The following VEGFC variants were observed in gnomAD, a reference collection of about 807,000 sequenced individuals.
VEGFC encodes vascular endothelial growth factor C.
A neutral mutation model predicts 46.1 loss-of-function variants in VEGFC; 12 were observed. The ratio of observed to expected loss-of-function variants is 0.26; its 90% confidence interval spans 0.17 to 0.42. The LOEUF (loss-of-function observed/expected upper bound fraction) is 0.42, where lower values mean the gene tolerates loss of function less well. Among genes scored for constraint, VEGFC ranks in the 10% least tolerant of loss-of-function variants. VEGFC has a pLI of 1.00. For synonymous variants in VEGFC, 232 were observed against 195.5 expected (o/e 1.19, Z -1.56); for missense variants, 488 against 529.4 (o/e 0.92, Z 0.77).
intron 3 of VEGFC, among the ~76,000 whole-genome samples, chr4:176,720,201 T>C (rs1734760030): frequency 6.6e-6 from 1 of 152,128 alleles, no homozygotes; most frequent in Non-Finnish European, 1.5e-5. Flanking sequence ...GGTACTGATG[T>C]TTGCTCTTCT....
At chr4:176,716,439 G>A (rs1389419195) in intron 3 of VEGFC, among the ~76,000 whole-genome samples, 1 of 151,510 alleles carries the variant, frequency 6.6e-6, no homozygotes, top group Admixed American at 6.6e-5. Context: ...TAGCTGGGTG[G>A]CGTGGCGGAT....
At chr4:176,736,952 T>C (rs1735064702) in intron 1 of VEGFC, among the ~76,000 whole-genome samples, 1 of 151,314 alleles carries the variant, frequency 6.6e-6, no homozygotes, top group Non-Finnish European at 1.5e-5. Flanking sequence ...TTTTAAGTAA[T>C]GATCCTTCCA....
At chr4:176,752,795 G>A (rs965337150) in intron 1 of VEGFC, among the ~76,000 whole-genome samples, 6 of 152,042 alleles carry the variant, frequency 3.9e-5, no homozygotes, top group African/African-American at 1.4e-4. Context: ...GGGCTATAGG[G>A]AAAGAGCCTA....
intron 1 of VEGFC, among the ~76,000 whole-genome samples, chr4:176,749,983 A>T (rs987868656): frequency 9.2e-5 from 14 of 151,820 alleles, no homozygotes; most frequent in South Asian, 2.1e-4. Context: ...AACATTTATT[A>T]AAAAATTATG....
At chr4:176,701,475 C>CT (rs1288382177) in intron 4 of VEGFC, among the ~76,000 whole-genome samples, 2 of 152,160 alleles carry the variant, frequency 1.3e-5, no homozygotes, top group Non-Finnish European at 2.9e-5. Flanking sequence ...TTCTCACAAT[C>CT]TATCAGCAAG....
At position 176,742,454 on chromosome 4, in the gene VEGFC, C is replaced by T. The variant is rs189690768; in HGVS notation, c.148-12708G>A. Among the ~76,000 whole-genome samples, 106 of 152,006 alleles carry T rather than the reference C, an allele frequency of 7.0e-4. 1 individual carries two copies. Among genetic ancestry groups the T allele is most frequent in the African/African-American group, 2.4e-3 (99 of 41,506 alleles). Reference sequence around the variant, plus strand: ...CCTCTTATATAGTACCACCCGCATACCAGTAATGGGGTTGCTGGGTCAAAC... The same window carrying T: ...CCTCTTATATAGTACCACCCGCATATCAGTAATGGGGTTGCTGGGTCAAAC... On this transcript the variant is annotated intron_variant, in intron 1 of 6. Coordinates refer to ENST00000618562, the MANE Select transcript of VEGFC (RefSeq NM_005429.5).
intron 3 of VEGFC, among the ~76,000 whole-genome samples, chr4:176,725,532 G>A (rs1183797506): frequency 6.6e-6 from 1 of 152,122 alleles, no homozygotes; most frequent in African/African-American, 2.4e-5. Flanking sequence ...AGATTATGAA[G>A]AAAGGAAATG....
intron 4 of VEGFC, chr4:176,689,602 G>A (rs1448758022): frequency 1.3e-5 from 2 of 152,168 alleles, no homozygotes; most frequent in Non-Finnish European, 2.9e-5. Flanking sequence ...AAATAGCAAT[G>A]ACTGATTTGA....
chr4:176,706,653 A>AAAAG (rs1734541661), intron 4 of VEGFC, among the ~76,000 whole-genome samples: 4 of 130,692 alleles, frequency 3.1e-5, no homozygotes, highest in African/African-American at 1.0e-4. Flanking sequence ...AAAAAAAAAA[A>AAAAG]AGAGAAATCT....
chr4:176,685,277 G>T (rs1734018497), intron 6 of VEGFC, among the ~76,000 whole-genome samples: 1 of 152,092 alleles, frequency 6.6e-6, no homozygotes, highest in Non-Finnish European at 1.5e-5. Flanking sequence ...TACTAAAAAG[G>T]GATATGATAC....
At chr4:176,784,567 C>T (rs1229864215) in intron 1 of VEGFC, among the ~76,000 whole-genome samples, 4 of 151,048 alleles carry the variant, frequency 2.6e-5, no homozygotes, top group Non-Finnish European at 1.5e-5. Flanking sequence ...CTAACATGGT[C>T]AAACCCCGTC....
intron 2 of VEGFC, 129 bp from the exon 3 acceptor site, chr4:176,728,097 C>A (rs1560947666): frequency 9.5e-6 from 6 of 628,622 alleles, no homozygotes; most frequent in Non-Finnish European, 1.0e-5. Context: ...ACTAAAGAGA[C>A]AGCTGATGGG....
chr4:176,685,368 TAAGAG>T (rs1229893852), intron 6 of VEGFC, among the ~76,000 whole-genome samples: 1 of 152,196 alleles, frequency 6.6e-6, no homozygotes, highest in African/African-American at 2.4e-5. Flanking sequence ...TAATAGATAT[TAAGAG>T]AGAATGAGGA....
intron 3 of VEGFC, 147 bp from the exon 4 acceptor site, chr4:176,711,797 A>G (rs574723843): frequency 2.2e-5 from 16 of 716,534 alleles, no homozygotes; most frequent in Admixed American, 1.9e-4. Flanking sequence ...TTATGATTAC[A>G]AAGTAAAAAC....
chr4:176,734,945 AT>A (rs945909492), intron 1 of VEGFC, among the ~76,000 whole-genome samples: 186 of 149,538 alleles, frequency 1.2e-3, no homozygotes, highest in South Asian at 4.0e-3. Context: ...GCATTCAGCC[AT>A]TTTTTTTTTC....
intron 1 of VEGFC, among the ~76,000 whole-genome samples, chr4:176,739,570 C>G (rs552113003): frequency 6.6e-6 from 1 of 151,802 alleles, no homozygotes; most frequent in Non-Finnish European, 1.5e-5. Flanking sequence ...TGGGAGGGAA[C>G]AACACACACT....
At chr4:176,776,961 T>G (rs1560964169) in intron 1 of VEGFC, among the ~76,000 whole-genome samples, 1 of 152,210 alleles carries the variant, frequency 6.6e-6, no homozygotes, top group East Asian at 1.9e-4. Context: ...TAATATCTCC[T>G]GCTTTAATAT....
rs1368211183 is a variant in VEGFC at position 176,792,365 on chromosome 4, G to A, written c.-54C>T. 2.2e-6 allele frequency: 3 copies of A among 1,353,596 alleles called. No individual in the cohort carries two copies. Among genetic ancestry groups the A allele is most frequent in the East Asian group, 6.2e-5 (2 of 32,490 alleles). The allele number at this position is 1,353,596 out of a possible 1,614,324, so 83.8% of individuals were successfully genotyped here. A position where few individuals can be genotyped will look rare whatever the true frequency, so the allele number is the denominator to read the frequency against. On this transcript the variant is annotated 5_prime_UTR_variant, in exon 1 of 7. Transcript: ENST00000618562. The surrounding 1 kb of genome is among the most constrained non-coding windows in gnomAD (Gnocchi z 6.3). ...TCCGCTGGCGGGGGCAGGGGTGGGG[G>A]CGCGGGCGCCCCTGCGAGGCCGCGG... is the stretch of plus-strand genomic sequence containing the variant.
Position 176,729,713 on chromosome 4 carries a change from G to T in VEGFC, c.181C>A (p.Arg61=), listed in dbSNP as rs566826535. The part of the protein sequence containing the change: ...YASKDLEEQL[R]SVSSVDELMT... The stretch of plus-strand genomic sequence containing the variant: ...AGTTCATCTACACTGGACACAGACC[G>T]TAACTGCTCCTCCAGATCTTTGCTT... Residue 61 remains arginine, a synonymous_variant, in exon 2 of 7, where the codon CGG becomes AGG. Coordinates refer to ENST00000618562, the MANE Select transcript of VEGFC (RefSeq NM_005429.5). The T allele has an allele frequency of 1.2e-6, 2 of 1,605,450 alleles. No homozygotes were observed. The highest frequency in any genetic ancestry group is 1.7e-5 in the Admixed American group (1 of 58,654).
Sources: allele counts gnomAD v4.1 joint callset (sites outside exome capture counted in the v4.1 genomes callset), GRCh38; gene constraint gnomAD v4.1.1; non-coding constraint Gnocchi (gnomAD v3.1); transcripts MANE v1.5; gene names NCBI Gene and HGNC (gene_info 2026-07-23, HGNC 2026-07-21).